Variants in KLF12 observed in about 807,000 individuals in gnomAD.
The protein encoded by KLF12 is Krueppel-like factor 12.
A neutral mutation model predicts 37.8 loss-of-function variants in KLF12; 9 were observed. The ratio of observed to expected loss-of-function variants is 0.24; its 90% CI spans 0.14 to 0.42. The LOEUF (loss-of-function observed/expected upper bound fraction) is 0.42, where lower values mean the gene tolerates loss of function less well. KLF12 is among the 10% of genes least tolerant of loss of function. The pLI is 1.00. For synonymous variants in KLF12, 208 were observed against 202.1 expected, an observed-to-expected ratio of 1.03 and a Z score of -0.25; for missense variants, 411 against 516.0, an observed-to-expected ratio of 0.80 and a Z score of 1.97.
intron 4 of KLF12, among the ~76,000 whole-genome samples, chr13:73,822,307 T>C (rs1159121199): frequency 2.0e-5 from 3 of 152,260 alleles, no homozygotes; most frequent in Non-Finnish European, 4.4e-5. Flanking sequence ...ATAATTTTTA[T>C]TCACTTTTCA....
chr13:74,044,399 C>A (rs537092517), intron 1 of KLF12, among the ~76,000 whole-genome samples: 30 of 152,086 alleles, frequency 2.0e-4, no homozygotes, highest in African/African-American at 6.5e-4. Context: ...ATGAATGATT[C>A]CAGGACTGAG....
intron 1 of KLF12, among the ~76,000 whole-genome samples, chr13:74,123,830 A>C (rs939967437): frequency 6.6e-6 from 1 of 152,198 alleles, no homozygotes; most frequent in African/African-American, 2.4e-5. Context: ...ATGGGAAAAA[A>C]CTATTTTACT....
chr13:73,747,194 T>C (rs1024777115), intron 6 of KLF12, among the ~76,000 whole-genome samples: 8 of 152,256 alleles, frequency 5.3e-5, no homozygotes, highest in Admixed American at 1.3e-4. Flanking sequence ...TGGAGACTTA[T>C]AGTCTAAGAG....
the KLF12 span, among the ~76,000 whole-genome samples, chr13:74,139,950 C>T: frequency 1.3e-5 from 2 of 151,602 alleles, no homozygotes; most frequent in Non-Finnish European, 2.9e-5. Flanking sequence ...TTGCAAAATA[C>T]CACTTTAATT....
At chr13:74,264,394 G>A in the KLF12 span, among the ~76,000 whole-genome samples, 1 of 152,138 alleles carries the variant, frequency 6.6e-6, no homozygotes, top group African/African-American at 2.4e-5. Flanking sequence ...AAATAAAAAG[G>A]GTAGTCTTGA....
the KLF12 span, among the ~76,000 whole-genome samples, chr13:74,204,046 C>T: frequency 1.3e-5 from 2 of 152,226 alleles, no homozygotes; most frequent in Non-Finnish European, 2.9e-5. Context: ...AGAAGTAAGT[C>T]GAGATTTTGC....
intron 3 of KLF12, among the ~76,000 whole-genome samples, chr13:73,860,476 T>G (rs554282159): frequency 6.6e-6 from 1 of 152,246 alleles, no homozygotes; most frequent in East Asian, 1.9e-4. Flanking sequence ...GGCTCACGCT[T>G]GTAATCACAG....
At chr13:73,848,537 A>G (rs1444234292) in intron 3 of KLF12, among the ~76,000 whole-genome samples, 1 of 148,564 alleles carries the variant, frequency 6.7e-6, no homozygotes, top group African/African-American at 2.4e-5. Context: ...CCTCATAAAT[A>G]ATATTAGCTA....
rs562823898 is a variant in KLF12 at position 73,796,990 on chromosome 13, A to G, written c.806+16162T>C. ...ACTAACTGGTGGTAAAAGGCATCAGAAAGTGGCTGTCTAGGGGTTTGGAGG... is the reference window on the plus strand; with the variant it reads ...ACTAACTGGTGGTAAAAGGCATCAGGAAGTGGCTGTCTAGGGGTTTGGAGG... On this transcript the variant is annotated intron_variant, in intron 5 of 7. Coordinates refer to ENST00000377669, the MANE Select transcript of KLF12 (RefSeq NM_007249.5). Among the ~76,000 whole-genome samples, 8 of 152,300 alleles carry G rather than the reference A, an allele frequency of 5.3e-5. No homozygotes were observed. The East Asian group carries it at 1.5e-3, about 29-fold the overall frequency.
chr13:73,720,805 G>A (rs965497243), intron 6 of KLF12, among the ~76,000 whole-genome samples: 17 of 152,126 alleles, frequency 1.1e-4, no homozygotes, highest in South Asian at 2.1e-4. Context: ...GTAATCAGCC[G>A]GTAATAAAAG....
intron 1 of KLF12, among the ~76,000 whole-genome samples, chr13:74,029,331 G>T (rs1234149834): frequency 2.0e-5 from 3 of 152,024 alleles, no homozygotes; most frequent in African/African-American, 7.2e-5. Context: ...TGCAGGATTT[G>T]TTAAAGTATA....
At chr13:74,083,365 G>C (rs1034276997) in intron 1 of KLF12, among the ~76,000 whole-genome samples, 1 of 152,052 alleles carries the variant, frequency 6.6e-6, no homozygotes, top group Admixed American at 6.5e-5. Flanking sequence ...AATTAGCCCA[G>C]GTATGGTGAC....
chr13:74,228,736 G>C, the KLF12 span, among the ~76,000 whole-genome samples: 1 of 151,858 alleles, frequency 6.6e-6, no homozygotes, highest in Non-Finnish European at 1.5e-5. Flanking sequence ...ATTGAAACTG[G>C]ACCCCCAAGT....
At chr13:74,024,299 C>G (rs1179972128) in intron 1 of KLF12, among the ~76,000 whole-genome samples, 1 of 152,178 alleles carries the variant, frequency 6.6e-6, no homozygotes, top group African/African-American at 2.4e-5. Context: ...ACTTCATGCT[C>G]TAACAAATAT....
intron 6 of KLF12, among the ~76,000 whole-genome samples, chr13:73,727,770 T>A (rs1184615308): frequency 6.6e-6 from 1 of 151,966 alleles, no homozygotes. Flanking sequence ...TGATCTTGGC[T>A]CACTGCAACC....
At chr13:74,018,987 C>A (rs1463382894) in intron 1 of KLF12, among the ~76,000 whole-genome samples, 1 of 152,056 alleles carries the variant, frequency 6.6e-6, no homozygotes, top group East Asian at 1.9e-4. Context: ...CTTTATTCAG[C>A]TAACAGAAAT....
At chr13:73,710,234 G>T (rs1035340521) in intron 7 of KLF12, among the ~76,000 whole-genome samples, 3 of 152,074 alleles carry the variant, frequency 2.0e-5, no homozygotes, top group African/African-American at 7.2e-5. Context: ...AGGTACAAGG[G>T]ATAGACAAGA....
the KLF12 span, among the ~76,000 whole-genome samples, chr13:74,260,863 C>G: frequency 6.6e-6 from 1 of 151,866 alleles, no homozygotes; most frequent in Admixed American, 6.6e-5. Context: ...AAAAGAAGCA[C>G]AAGATTTGCA....
chr13:73,782,270 A>G (rs1356949147), intron 5 of KLF12, among the ~76,000 whole-genome samples: 4 of 152,196 alleles, frequency 2.6e-5, no homozygotes, highest in African/African-American at 9.7e-5. Flanking sequence ...TGTTCTATCC[A>G]AGTCTCAGCT....
Sources: gnomAD v4.1 joint callset for allele counts (sites outside exome capture counted in the v4.1 genomes callset) on GRCh38, gnomAD v4.1.1 for gene constraint, MANE v1.5 for transcripts, NCBI Gene and HGNC (gene_info 2026-07-23, HGNC 2026-07-21) for gene names.